RIMS4: variants seen among roughly 807,000 people sequenced by gnomAD.
The protein encoded by RIMS4 is regulating synaptic membrane exocytosis protein 4.
RIMS4 carries 9 observed loss-of-function variants against 29.0 expected under a neutral mutation model. The observed-to-expected ratio is 0.31, with a 90% confidence interval of 0.19 to 0.54. The LOEUF (loss-of-function observed/expected upper bound fraction) is 0.54, where lower values mean the gene tolerates loss of function less well. Among genes scored for constraint, RIMS4 ranks in the 20% least tolerant of loss-of-function variants. RIMS4 has a pLI of 0.94. For synonymous variants in RIMS4, 130 were observed against 152.9 expected (o/e 0.85, Z 1.10); for missense variants, 193 against 365.7 (o/e 0.53, Z 3.85).
At chr20:44,766,203 G>A (rs1335292527) in intron 2 of RIMS4, among the ~76,000 whole-genome samples, 1 of 152,160 alleles carries the variant, frequency 6.6e-6, no homozygotes, top group Non-Finnish European at 1.5e-5. Flanking sequence ...CAGCTCTCCT[G>A]CCAAGCCTGG....
intron 1 of RIMS4, among the ~76,000 whole-genome samples, chr20:44,798,611 C>T (rs969327319): frequency 6.6e-6 from 1 of 152,190 alleles, no homozygotes; most frequent in Non-Finnish European, 1.5e-5. Context: ...CTGCTGGTGC[C>T]GGCTCACAGC....
At chr20:44,760,231 T>A (rs2066078272) in intron 2 of RIMS4, among the ~76,000 whole-genome samples, 1 of 152,194 alleles carries the variant, frequency 6.6e-6, no homozygotes, top group Admixed American at 6.5e-5. Context: ...TGCTGGGGGA[T>A]GACAGAAAAC....
At chr20:44,790,384 A>AC (rs1300417994) in intron 1 of RIMS4, among the ~76,000 whole-genome samples, 1 of 151,614 alleles carries the variant, frequency 6.6e-6, no homozygotes, top group Non-Finnish European at 1.5e-5. Context: ...GGTCCCATAG[A>AC]CCCCTCCTCC....
chr20:44,778,949 G>C (rs1018411296), intron 1 of RIMS4, among the ~76,000 whole-genome samples: 34 of 152,112 alleles, frequency 2.2e-4, no homozygotes, highest in Non-Finnish European at 8.8e-5. Context: ...CTACTCAGTG[G>C]CCTGCCTGAG....
intron 3 of RIMS4, 98 bp downstream of exon 3, chr20:44,757,974 T>G: frequency 1.9e-6 from 2 of 1,031,898 alleles, no homozygotes; most frequent in South Asian, 2.9e-5. Flanking sequence ...GCGCAGAGGA[T>G]GGATCAACAG....
intron 2 of RIMS4, among the ~76,000 whole-genome samples, chr20:44,764,255 C>CATCCATCCATCCATCCATCCATCCATTTA (rs1325046131): frequency 4.2e-5 from 6 of 144,406 alleles, no homozygotes; most frequent in African/African-American, 7.8e-5. Context: ...TCCATCCATC[C>CATCCATCCATCCATCCATCCATCCATTTA]TCCCACAAAC....
At chr20:44,763,376 A>G (rs2145447129) in intron 2 of RIMS4, among the ~76,000 whole-genome samples, 1 of 152,338 alleles carries the variant, frequency 6.6e-6, no homozygotes, top group Middle Eastern at 3.4e-3. Flanking sequence ...TGCTGAGTGA[A>G]TCAAAGGGTG....
intron 1 of RIMS4, among the ~76,000 whole-genome samples, chr20:44,795,497 T>TG (rs2066250977): frequency 6.6e-6 from 1 of 152,108 alleles, no homozygotes. Context: ...CCAGGTGTGA[T>TG]GGCGGGCGCC....
At chr20:44,758,047 T>C (rs1275607195) in intron 3 of RIMS4, 25 bp downstream of exon 3, 2 of 1,542,720 alleles carry the variant, frequency 1.3e-6, no homozygotes, top group Admixed American at 1.8e-5. Context: ...CCTAGTCCAT[T>C]TGAAACCAGC....
At chr20:44,773,588 C>T (rs555241701) in intron 1 of RIMS4, among the ~76,000 whole-genome samples, 44 of 152,216 alleles carry the variant, frequency 2.9e-4, no homozygotes, top group African/African-American at 9.4e-4. Context: ...CTCTGCTGAG[C>T]GCTGTTCAGG....
At chr20:44,806,844 T>C (rs548725814) in intron 1 of RIMS4, among the ~76,000 whole-genome samples, 2 of 152,346 alleles carry the variant, frequency 1.3e-5, no homozygotes, top group African/African-American at 4.8e-5. Context: ...CTCAGTTTTC[T>C]CATCTGAAAA....
intron 3 of RIMS4, 128 bp downstream of exon 3, chr20:44,757,944 C>T (rs2066067747): frequency 4.3e-6 from 4 of 931,436 alleles, no homozygotes; most frequent in Non-Finnish European, 6.7e-6. Context: ...TGAGAGTGTG[C>T]CCTGGGCTCT....
At chr20:44,809,807 G>A (rs917454690) in intron 1 of RIMS4, among the ~76,000 whole-genome samples, 2 of 151,988 alleles carry the variant, frequency 1.3e-5, no homozygotes, top group African/African-American at 4.8e-5. Context: ...CCCCAGGGGT[G>A]GGACGGCCAA....
In RIMS4 at chr20:44,773,664, G is replaced by C. The variant is rs374420862; in HGVS notation, c.98-2251C>G. On this transcript the variant is annotated intron_variant, in intron 1 of 5. Coordinates refer to ENST00000372851, the MANE Select transcript of RIMS4 (RefSeq NM_182970.4). ...CACATTTCTCCCGGAAGAGGGAGGAGCAGAGCATGACAAACAACTCAGTCC... is the reference window on the plus strand; with the variant it reads ...CACATTTCTCCCGGAAGAGGGAGGACCAGAGCATGACAAACAACTCAGTCC... Among the ~76,000 whole-genome samples the C allele has an allele frequency of 7.9e-5, 12 of 152,222 alleles. No individual in the cohort carries two copies. The East Asian group carries it at 2.1e-3, about 27-fold the overall frequency.
intron 1 of RIMS4, among the ~76,000 whole-genome samples, chr20:44,784,863 C>T (rs2066201120): frequency 6.6e-6 from 1 of 152,230 alleles, no homozygotes; most frequent in Admixed American, 6.5e-5. Context: ...TCCACACAGA[C>T]ACCAAAGGCT....
intron 1 of RIMS4, among the ~76,000 whole-genome samples, chr20:44,778,216 A>C (rs2066168904): frequency 6.6e-6 from 1 of 152,206 alleles, no homozygotes; most frequent in South Asian, 2.1e-4. Flanking sequence ...TACTTCTGTG[A>C]GGGCCCTAAC....
At chr20:44,787,982 G>T (rs2066216268) in intron 1 of RIMS4, among the ~76,000 whole-genome samples, 1 of 152,162 alleles carries the variant, frequency 6.6e-6, no homozygotes, top group South Asian at 2.1e-4. Flanking sequence ...TTATAATTAG[G>T]ATCCCTTTAC....
intron 1 of RIMS4, among the ~76,000 whole-genome samples, chr20:44,799,451 G>C (rs926179952): frequency 6.6e-6 from 1 of 152,188 alleles, no homozygotes; most frequent in Non-Finnish European, 1.5e-5. Context: ...CAGATGGCTC[G>C]GGGGTGGCTC....
intron 1 of RIMS4, among the ~76,000 whole-genome samples, chr20:44,793,685 G>A (rs1431162492): frequency 6.6e-6 from 1 of 152,188 alleles, no homozygotes; most frequent in Admixed American, 6.5e-5. Flanking sequence ...GGTAATAAGA[G>A]TGAAGCCAGA....
Sources: gnomAD v4.1 joint callset for allele counts (sites outside exome capture counted in the v4.1 genomes callset) on GRCh38, gnomAD v4.1.1 for gene constraint, MANE v1.5 for transcripts, NCBI Gene and HGNC (gene_info 2026-07-23, HGNC 2026-07-21) for gene names.